PRKN: variants seen among roughly 807,000 people sequenced by gnomAD.
PRKN encodes the protein E3 ubiquitin-protein ligase parkin.
A neutral mutation model predicts 59.5 loss-of-function variants in PRKN; 56 were observed. The observed-to-expected ratio is 0.94, with a 90% CI of 0.76 to 1.18. The LOEUF (loss-of-function observed/expected upper bound fraction) is 1.18. PRKN is among the 50% of genes most tolerant of loss of function. The probability of loss-of-function intolerance (pLI) is 0.00; values close to 1 mark genes in which losing one functional copy is unlikely to be tolerated. For missense variants in PRKN, 657 were observed against 596.4 expected (o/e 1.10, Z -1.06); for synonymous variants, 250 against 222.1 (o/e 1.13, Z -1.12).
At chr6:162,406,045 A>G (rs1419031943) in intron 2 of PRKN, among the ~76,000 whole-genome samples, 1 of 152,184 alleles carries the variant, frequency 6.6e-6, no homozygotes, top group Non-Finnish European at 1.5e-5. Flanking sequence ...GCTTTACACA[A>G]GGAGCATCAT....
Position 162,065,577 on chromosome 6 carries a change from T to A in PRKN, c.535-11403A>T, listed in dbSNP as rs556089884. On this transcript the variant is annotated intron_variant, in intron 4 of 11. Coordinates refer to ENST00000366898, the MANE Select transcript of PRKN (RefSeq NM_004562.3). ...TTCTTTTTTTTTTTTGGTCAATTTT[T>A]AAAAAAATTATATGTTAAGTTCTAG... Among the ~76,000 whole-genome samples, 375 of 152,028 alleles carry A rather than the reference T, an allele frequency of 2.5e-3. 2 individuals carry two copies. The highest frequency in any genetic ancestry group is 8.5e-3 in the African/African-American group (352 of 41,478).
At chr6:162,372,913 G>T (rs1785851214) in intron 2 of PRKN, among the ~76,000 whole-genome samples, 1 of 152,156 alleles carries the variant, frequency 6.6e-6, no homozygotes, top group Non-Finnish European at 1.5e-5. Flanking sequence ...TAGAATGGAA[G>T]ATTCTCTAGA....
intron 1 of PRKN, among the ~76,000 whole-genome samples, chr6:162,632,002 G>A (rs2803117): frequency 0.6 from 87,406 of 145,400 alleles, 26,314 homozygotes; most frequent in African/African-American, 0.73. Context: ...AAAAAAAAAA[G>A]ATGTGGCAAG....
At chr6:161,776,712 T>C (rs768893297) in intron 7 of PRKN, among the ~76,000 whole-genome samples, 3 of 152,038 alleles carry the variant, frequency 2.0e-5, no homozygotes, top group Non-Finnish European at 4.4e-5. Context: ...GAAAAGCATA[T>C]CTGGGGTTGA....
At chr6:162,627,042 A>T (rs540293821) in intron 1 of PRKN, among the ~76,000 whole-genome samples, 1 of 152,316 alleles carries the variant, frequency 6.6e-6, no homozygotes, top group East Asian at 1.9e-4. Context: ...TAAACAAGGC[A>T]AAGTCTCTGT....
At chr6:162,019,739 G>T (rs559321981) in intron 5 of PRKN, among the ~76,000 whole-genome samples, 3 of 152,246 alleles carry the variant, frequency 2.0e-5, no homozygotes, top group Admixed American at 1.3e-4. Flanking sequence ...AAAAATCATG[G>T]CTGGGTATGG....
chr6:161,893,372 T>C (rs1777489364), intron 6 of PRKN, among the ~76,000 whole-genome samples: 1 of 152,186 alleles, frequency 6.6e-6, no homozygotes, highest in Non-Finnish European at 1.5e-5. Context: ...GGTTATCTGT[T>C]CACACGCCAT....
chr6:162,681,521 G>A (rs1288040042), intron 1 of PRKN, among the ~76,000 whole-genome samples: 1 of 152,158 alleles, frequency 6.6e-6, no homozygotes, highest in East Asian at 1.9e-4. Flanking sequence ...CTGCATGGTA[G>A]ATGGGAAATT....
At chr6:161,703,114 G>A (rs1786323411) in intron 7 of PRKN, among the ~76,000 whole-genome samples, 1 of 150,928 alleles carries the variant, frequency 6.6e-6, no homozygotes, top group Non-Finnish European at 1.5e-5. Flanking sequence ...GACCAGCCTT[G>A]GCAAACTAGT....
chr6:161,687,348 C>A (rs1240051718), intron 7 of PRKN, among the ~76,000 whole-genome samples: 2 of 116,056 alleles, frequency 1.7e-5, no homozygotes, highest in African/African-American at 6.9e-5. Flanking sequence ...GAGATCGCAC[C>A]ACTGCATTCC....
In PRKN at chr6:161,560,239, T is replaced by G. The variant is rs1780407316; in HGVS notation, c.933+9116A>C. Among the ~76,000 whole-genome samples, 1 of 152,234 alleles carries G rather than the reference T, an allele frequency of 6.6e-6. No individual in the cohort carries two copies. The highest frequency in any genetic ancestry group is 1.5e-5 in the Non-Finnish European group (1 of 68,038). The stretch of plus-strand genomic sequence containing the variant: ...TAATCAGCCTTTTGAAAGGTTTCCC[T>G]GTCCACACTGACTTAACTGAAACTG... On this transcript the variant is annotated intron_variant, in intron 8 of 11. Transcript: ENST00000366898. The surrounding 1 kb of genome is among the most constrained non-coding windows in gnomAD (Gnocchi z 4.9).
At chr6:162,433,395 A>C (rs2128163977) in intron 2 of PRKN, among the ~76,000 whole-genome samples, 1 of 152,136 alleles carries the variant, frequency 6.6e-6, no homozygotes, top group South Asian at 2.1e-4. Context: ...GTCTAGTTGA[A>C]CTCTTAAGTG....
intron 7 of PRKN, among the ~76,000 whole-genome samples, chr6:161,591,073 A>G (rs1193305510): frequency 1.3e-5 from 2 of 152,206 alleles, no homozygotes; most frequent in African/African-American, 4.8e-5. Context: ...TATTGAGAAA[A>G]CATATTCTGC....
chr6:162,696,432 T>C (rs1388379809), intron 1 of PRKN, among the ~76,000 whole-genome samples: 1 of 152,066 alleles, frequency 6.6e-6, no homozygotes, highest in African/African-American at 2.4e-5. Flanking sequence ...TCCCCTTGAC[T>C]TGGCTTCAAG....
intron 1 of PRKN, among the ~76,000 whole-genome samples, chr6:162,519,101 C>T (rs957503127): frequency 4.6e-5 from 7 of 151,942 alleles, no homozygotes; most frequent in African/African-American, 1.5e-4. Flanking sequence ...ACCCGGGAGG[C>T]GGAAGTTGCA....
At position 161,360,856 on chromosome 6, in the gene PRKN, G is replaced by T. The variant is rs527972528; in HGVS notation, c.1168-651C>A. Among the ~76,000 whole-genome samples the T allele has an allele frequency of 2.6e-5, 4 of 151,828 alleles. No individual in the cohort carries two copies. The highest frequency in any genetic ancestry group is 9.7e-5 in the African/African-American group (4 of 41,390). On this transcript the variant is annotated intron_variant, in intron 10 of 11. Coordinates refer to ENST00000366898, the MANE Select transcript of PRKN (RefSeq NM_004562.3). The surrounding 1 kb of genome is among the most constrained non-coding windows in gnomAD (Gnocchi z 5.1). ...GTTCAAATCCCAGCTCTACCCAGAC[G>T]GGTGACTCTGGAAACATTCCCTAAG...
At chr6:162,314,895 A>T (rs1483077159) in intron 2 of PRKN, among the ~76,000 whole-genome samples, 1 of 152,104 alleles carries the variant, frequency 6.6e-6, no homozygotes, top group Non-Finnish European at 1.5e-5. Context: ...GTTTCACAGG[A>T]ACTACTGCCA....
intron 7 of PRKN, among the ~76,000 whole-genome samples, chr6:161,779,112 G>C (rs533481615): frequency 5.3e-5 from 8 of 152,004 alleles, no homozygotes; most frequent in African/African-American, 1.9e-4. Flanking sequence ...GCTAATTTTT[G>C]TATTTTCACT....
At chr6:162,305,017 G>T (rs1350616373) in intron 2 of PRKN, among the ~76,000 whole-genome samples, 1 of 152,148 alleles carries the variant, frequency 6.6e-6, no homozygotes, top group South Asian at 2.1e-4. Context: ...TGAGACCTCA[G>T]ATATGGAACA....
Sources: gnomAD v4.1 joint callset for allele counts (sites outside exome capture counted in the v4.1 genomes callset) on GRCh38, gnomAD v4.1.1 for gene constraint, Gnocchi (gnomAD v3.1) non-coding constraint, MANE v1.5 for transcripts, NCBI Gene and HGNC (gene_info 2026-07-23, HGNC 2026-07-21) for gene names.